SH3BP5: variants seen among roughly 807,000 people sequenced by gnomAD.
SH3BP5 encodes the protein SH3 domain binding protein 5, also known as SH3 domain-binding protein 5.
In SH3BP5, 22 loss-of-function variants were observed where a neutral mutation model predicts 43.3. The observed-to-expected ratio is 0.51, with a 90% CI of 0.36 to 0.73. The LOEUF is 0.73. SH3BP5 is among the 30% of genes least tolerant of loss of function. The pLI, the probability that SH3BP5 is intolerant of heterozygous loss-of-function variation, is 0.00. For synonymous variants in SH3BP5, 255 were observed against 225.8 expected (o/e 1.13, Z -1.16); for missense variants, 529 against 586.9 (o/e 0.90, Z 1.02).
At chr3:15,298,661 T>G (rs1697646674) in intron 3 of SH3BP5, among the ~76,000 whole-genome samples, 5 of 152,208 alleles carry the variant, frequency 3.3e-5, no homozygotes, top group Non-Finnish European at 7.3e-5. Context: ...GGATGAATGT[T>G]GAGGACATTA....
chr3:15,303,723 G>C (rs1208444807), intron 3 of SH3BP5, among the ~76,000 whole-genome samples: 1 of 151,848 alleles, frequency 6.6e-6, no homozygotes, highest in Non-Finnish European at 1.5e-5. Flanking sequence ...AAGAAGAACC[G>C]ATGTTTCAAG....
upstream of SH3BP5, among the ~76,000 whole-genome samples, chr3:15,332,857 TGTGTGGTAGGGAGGCGTGG>T (rs1698652282): frequency 6.6e-6 from 1 of 152,220 alleles, no homozygotes; most frequent in Admixed American, 6.5e-5. Context: ...GCTCGTTGTT[TGTGTGGTAGGGAGGCGTGG>T]GTGTTTTCAC....
intron 3 of SH3BP5, among the ~76,000 whole-genome samples, chr3:15,302,039 AG>A: frequency 6.6e-6 from 1 of 152,320 alleles, no homozygotes; most frequent in East Asian, 1.9e-4. Context: ...CTTTCAGGAA[AG>A]GAGGTTTTCT....
At chr3:15,265,508 T>G (rs1322642895) in intron 4 of SH3BP5, among the ~76,000 whole-genome samples, 1 of 52,598 alleles carries the variant, frequency 1.9e-5, no homozygotes, top group Non-Finnish European at 3.3e-5. Flanking sequence ...AGGGCGAGAC[T>G]CCGTCACACA....
intron 3 of SH3BP5, among the ~76,000 whole-genome samples, chr3:15,286,964 G>T (rs1445588711): frequency 1.3e-5 from 2 of 152,164 alleles, no homozygotes; most frequent in Non-Finnish European, 2.9e-5. Flanking sequence ...CGGTTCCAGG[G>T]CAGGCTTCTT....
upstream of SH3BP5, among the ~76,000 whole-genome samples, chr3:15,337,084 G>GTTTTTTTT (rs374056927): frequency 4.0e-5 from 4 of 100,128 alleles, no homozygotes; most frequent in African/African-American, 1.2e-4. Flanking sequence ...TTTTAGTTTA[G>GTTTTTTTT]TTTTTTTTTT....
At chr3:15,332,243 G>A in intron 1 of SH3BP5, 28 bp downstream of exon 1, 1 of 1,551,178 alleles carries the variant, frequency 6.4e-7, no homozygotes, top group Non-Finnish European at 8.7e-7. Flanking sequence ...CGCGAAGCCC[G>A]GATGCGGGGC....
chr3:15,330,463 T>A, intron 2 of SH3BP5, 41 bp downstream of exon 2: 1 of 1,521,988 alleles, frequency 6.6e-7, no homozygotes, highest in Non-Finnish European at 9.1e-7. Flanking sequence ...CCGGTGTGAG[T>A]GACATCACTT....
At chr3:15,295,803 G>A (rs1417356468) in intron 3 of SH3BP5, among the ~76,000 whole-genome samples, 1 of 152,200 alleles carries the variant, frequency 6.6e-6, no homozygotes, top group Admixed American at 6.5e-5. Flanking sequence ...CACTAAGCCT[G>A]AGAGGTCATG....
intron 2 of SH3BP5, among the ~76,000 whole-genome samples, chr3:15,305,872 G>A (rs1454526700): frequency 6.6e-6 from 1 of 151,802 alleles, no homozygotes; most frequent in East Asian, 1.9e-4. Flanking sequence ...TAAAAGTCAA[G>A]AAACCAGATC....
intron 2 of SH3BP5, among the ~76,000 whole-genome samples, chr3:15,305,446 C>G (rs1240645320): frequency 6.6e-6 from 1 of 151,904 alleles, no homozygotes; most frequent in Non-Finnish European, 1.5e-5. Flanking sequence ...CACTTACAGC[C>G]TGGTGGGTGA....
chr3:15,329,577 T>G (rs1193658913), intron 2 of SH3BP5, among the ~76,000 whole-genome samples: 6 of 152,170 alleles, frequency 3.9e-5, no homozygotes, highest in Admixed American at 3.9e-4. Context: ...GCAGCAGAAA[T>G]CAAGGCTGCC....
intron 4 of SH3BP5, among the ~76,000 whole-genome samples, chr3:15,266,922 G>A (rs1006535753): frequency 2.0e-5 from 3 of 152,238 alleles, no homozygotes; most frequent in Admixed American, 6.5e-5. Flanking sequence ...CCAGTGTCCC[G>A]CTGTGCCTGG....
intron 2 of SH3BP5, among the ~76,000 whole-genome samples, chr3:15,306,864 G>T (rs978925443): frequency 6.6e-6 from 1 of 152,064 alleles, no homozygotes; most frequent in Admixed American, 6.6e-5. Flanking sequence ...AGTAGAGATG[G>T]GGTTTCGCAT....
At chr3:15,311,292 G>T (rs1228705462) in intron 2 of SH3BP5, among the ~76,000 whole-genome samples, 1 of 152,160 alleles carries the variant, frequency 6.6e-6, no homozygotes, top group Non-Finnish European at 1.5e-5. Flanking sequence ...GAGGCCAGGT[G>T]CGGTGGCTCA....
intron 2 of SH3BP5, among the ~76,000 whole-genome samples, chr3:15,316,963 C>T (rs1352144381): frequency 2.0e-5 from 3 of 152,244 alleles, no homozygotes; most frequent in African/African-American, 4.8e-5. Flanking sequence ...CTTAAATCCA[C>T]AGGATTCTTT....
chr3:15,259,515 C>T (rs1259198614), intron 6 of SH3BP5: 3 of 597,620 alleles, frequency 5.0e-6, no homozygotes, highest in Non-Finnish European at 9.0e-6. Context: ...GCTGCTGGTC[C>T]TAAGAGCATG....
chr3:15,288,430 G>A lies in SH3BP5; in HGVS notation c.330+15673C>T, dbSNP rs192615845. On this transcript the variant is annotated intron_variant, in intron 3 of 8. Coordinates refer to ENST00000383791, the MANE Select transcript of SH3BP5 (RefSeq NM_004844.5). ...ATTCAGCCGGGAGGCAGTAGGGAGG[G>A]ATGGAGGTTTCAGGAGGCAGGAAGA... is the stretch of plus-strand genomic sequence containing the variant. Among the ~76,000 whole-genome samples, 162 of 152,338 alleles carry A rather than the reference G, an allele frequency of 1.1e-3. 1 individual carries two copies. Among genetic ancestry groups the A allele is most frequent in the African/African-American group, 3.4e-3 (141 of 41,586 alleles).
intron 3 of SH3BP5, chr3:15,273,016 A>C (rs1696861310): frequency 2.7e-5 from 12 of 442,960 alleles, no homozygotes; most frequent in Non-Finnish European, 3.6e-5. Flanking sequence ...ACAGCCCTGC[A>C]GGGCCTCCGC....
Sources: allele counts gnomAD v4.1 joint callset (sites outside exome capture counted in the v4.1 genomes callset), GRCh38; gene constraint gnomAD v4.1.1; transcripts MANE v1.5; gene names NCBI Gene and HGNC (gene_info 2026-07-23, HGNC 2026-07-21).